Variants in SLC4A8 observed in about 807,000 individuals in gnomAD.
SLC4A8 encodes electroneutral sodium bicarbonate exchanger 1.
SLC4A8 carries 40 observed loss-of-function variants against 125.0 expected under a neutral mutation model. That is an observed-to-expected ratio of 0.32 (90% CI 0.25 to 0.42). SLC4A8 has a LOEUF of 0.42. Among genes scored for constraint, SLC4A8 ranks in the 10% least tolerant of loss-of-function variants. The pLI is 1.00. For synonymous variants in SLC4A8, 456 were observed against 476.0 expected, an observed-to-expected ratio of 0.96 and a Z score of 0.55; for missense variants, 863 against 1,355.1, an observed-to-expected ratio of 0.64 and a Z score of 5.70.
chr12:51,425,148 A>C, intron 1 of SLC4A8, 113 bp downstream of exon 1: 1 of 1,458,564 alleles, frequency 6.9e-7, no homozygotes. Flanking sequence ...CCGCTCCCTG[A>C]GGGCGAGGGG....
At chr12:51,452,355 G>C in intron 4 of SLC4A8, 96 bp downstream of exon 4, 1 of 1,410,596 alleles carries the variant, frequency 7.1e-7, no homozygotes, top group South Asian at 1.2e-5. Context: ...TTTCTTCTTG[G>C]GAGAAGCTGT....
At chr12:51,394,612 C>CT (rs1251857813) in intron 1 of SLC4A8, among the ~76,000 whole-genome samples, 1 of 152,134 alleles carries the variant, frequency 6.6e-6, no homozygotes, top group Non-Finnish European at 1.5e-5. Flanking sequence ...GAAGCCGGGA[C>CT]TTTGAGTTCA....
chr12:51,514,685 A>G lies in SLC4A8; in HGVS notation c.*7247A>G, dbSNP rs1938474401. The G allele has an allele frequency of 6.6e-6, 1 of 152,234 alleles. No individual in the cohort carries two copies. Among genetic ancestry groups the G allele is most frequent in the Admixed American group, 6.5e-5 (1 of 15,282 alleles). The allele number at this position is 152,234 out of a possible 1,614,324, so 9.4% of individuals were successfully genotyped here. A position where few individuals can be genotyped will look rare whatever the true frequency, so the allele number is the denominator to read the frequency against. On this transcript the variant is annotated 3_prime_UTR_variant, in exon 25 of 25. Coordinates refer to ENST00000453097, the MANE Select transcript of SLC4A8 (RefSeq NM_001039960.3). The stretch of plus-strand genomic sequence containing the variant: ...CAAAGCCAAATAGAAATGATTTTCT[A>G]CTAAGCCTATCCTTTGTGATTCTTG...
intron 1 of SLC4A8, 110 bp downstream of exon 1, chr12:51,425,145 C>T: frequency 1.4e-6 from 2 of 1,461,262 alleles, no homozygotes; most frequent in Admixed American, 4.6e-5. Flanking sequence ...AGGCCGCTCC[C>T]TGAGGGCGAG....
chr12:51,456,504 G>A (rs1950154712), intron 5 of SLC4A8, among the ~76,000 whole-genome samples: 1 of 152,126 alleles, frequency 6.6e-6, no homozygotes, highest in Non-Finnish European at 1.5e-5. Context: ...ATATTTTAGG[G>A]ATACTGATAG....
intron 8 of SLC4A8, among the ~76,000 whole-genome samples, chr12:51,460,583 C>CT (rs1269836416): frequency 6.6e-6 from 1 of 152,184 alleles, no homozygotes; most frequent in Non-Finnish European, 1.5e-5. Flanking sequence ...GAAGCCAAGT[C>CT]TTATCTTCTC....
chr12:51,451,345 G>C (rs139989789), intron 3 of SLC4A8, among the ~76,000 whole-genome samples: 17 of 152,226 alleles, frequency 1.1e-4, no homozygotes, highest in African/African-American at 3.9e-4. Context: ...TCCTGACCTC[G>C]TGATCCGCCT....
At position 51,469,823 on chromosome 12, in the gene SLC4A8, C is replaced by G. The variant is rs774332453; in HGVS notation, c.1524+35C>G. ...TTTAACCACTTCTAATGATCCCAAACAAGACCTAAAATATTGTGGCGGCAG... is the reference window on the plus strand; with the variant it reads ...TTTAACCACTTCTAATGATCCCAAAGAAGACCTAAAATATTGTGGCGGCAG... On this transcript the variant is annotated intron_variant, in intron 12 of 24. Transcript: ENST00000453097. The G allele has an allele frequency of 6.9e-6, 11 of 1,602,810 alleles. No homozygotes were observed. The African/African-American group carries it at 8.0e-5, about 12-fold the overall frequency.
At chr12:51,444,259 A>T (rs1413453546) in intron 2 of SLC4A8, among the ~76,000 whole-genome samples, 1 of 152,092 alleles carries the variant, frequency 6.6e-6, no homozygotes, top group Admixed American at 6.5e-5. Flanking sequence ...TTCATTTCCT[A>T]GTGTCTGTTT....
chr12:51,396,581 G>A (rs571253980), intron 1 of SLC4A8, among the ~76,000 whole-genome samples: 18 of 151,896 alleles, frequency 1.2e-4, no homozygotes, highest in Admixed American at 1.3e-4. Flanking sequence ...GGTGGCTCAT[G>A]TCTGTAATCC....
intron 11 of SLC4A8, 71 bp downstream of exon 11, chr12:51,463,785 C>G: frequency 4.8e-6 from 5 of 1,049,096 alleles, no homozygotes; most frequent in Non-Finnish European, 7.2e-6. Flanking sequence ...GAGGCATCTT[C>G]TTTCTTTCAG....
rs1938502009 is a variant in SLC4A8, at chr12:51,515,532, A to G, written c.*8094A>G. On this transcript the variant is annotated 3_prime_UTR_variant, in exon 25 of 25. Transcript: ENST00000453097. ...TATATATTTTTAGTGTAAGAAATGT[A>G]CCCTCTCCACACTCCATGATGTAAA... is the stretch of plus-strand genomic sequence containing the variant. 6.6e-6 allele frequency: 1 copy of G among 151,966 alleles called. No homozygotes were observed. Among genetic ancestry groups the G allele is most frequent in the Non-Finnish European group, 1.5e-5 (1 of 67,970 alleles). The allele number at this position is 151,966 out of a possible 1,614,324, so 9.4% of individuals were successfully genotyped here.
intron 1 of SLC4A8, among the ~76,000 whole-genome samples, chr12:51,416,221 T>TG (rs1555185921): frequency 1.1e-4 from 17 of 149,990 alleles, no homozygotes; most frequent in African/African-American, 1.7e-4. Context: ...GTTTTTTTTT[T>TG]TTTTTTTTTT....
intron 19 of SLC4A8, 86 bp downstream of exon 19, chr12:51,490,037 C>T (rs998804547): frequency 1.6e-6 from 2 of 1,256,704 alleles, no homozygotes; most frequent in Non-Finnish European, 2.3e-6. Flanking sequence ...ACAGTGGTGC[C>T]AAATACTTAC....
intron 1 of SLC4A8, among the ~76,000 whole-genome samples, chr12:51,418,115 T>G (rs576159940): frequency 6.6e-6 from 1 of 152,306 alleles, no homozygotes; most frequent in East Asian, 1.9e-4. Flanking sequence ...GCTACAAGAA[T>G]TTGAAGGGCT....
intron 1 of SLC4A8, among the ~76,000 whole-genome samples, chr12:51,430,494 C>G (rs897476049): frequency 6.6e-6 from 1 of 152,154 alleles, no homozygotes; most frequent in African/African-American, 2.4e-5. Context: ...CCTCCACCCT[C>G]TCCTCACACA....
At chr12:51,424,046 A>C (rs1474572578), upstream of SLC4A8, among the ~76,000 whole-genome samples, 14 of 51,728 alleles carry the variant, frequency 2.7e-4, no homozygotes, top group Non-Finnish European at 4.7e-4. Context: ...CCAAAAAAAA[A>C]AAAAAAACAA....
In SLC4A8 at chr12:51,424,965, G is replaced by A. The variant is rs1948910844; in HGVS notation, c.-23G>A. ...CTGATGCTTGGCTTGGAGCCCGTGG[G>A]GGAGACCTAGTTCGGCTCCGCCATG... On this transcript the variant is annotated 5_prime_UTR_variant, in exon 1 of 25. Transcript: ENST00000453097. 1.3e-6 allele frequency: 2 copies of A among 1,550,832 alleles called. No homozygotes were observed. Among genetic ancestry groups the A allele is most frequent in the Admixed American group, 2.0e-5 (1 of 51,166 alleles).
At chr12:51,438,888 G>A (rs1475284364) in intron 1 of SLC4A8, among the ~76,000 whole-genome samples, 4 of 151,656 alleles carry the variant, frequency 2.6e-5, no homozygotes, top group Non-Finnish European at 4.4e-5. Flanking sequence ...GTGATGTTGA[G>A]CATTTTTTCA....
Sources: gnomAD v4.1 joint callset for allele counts (sites outside exome capture counted in the v4.1 genomes callset) on GRCh38, gnomAD v4.1.1 for gene constraint, MANE v1.5 for transcripts, NCBI Gene and HGNC (gene_info 2026-07-23, HGNC 2026-07-21) for gene names.